MAP3K9: variants seen among roughly 807,000 people sequenced by gnomAD.
MAP3K9 encodes mixed lineage kinase 1 (tyr and ser/thr specificity).
MAP3K9 carries 46 observed loss-of-function variants against 95.8 expected under a neutral mutation model. The observed-to-expected ratio is 0.48, with a 90% CI of 0.38 to 0.61. The LOEUF (loss-of-function observed/expected upper bound fraction) is 0.61. MAP3K9 is among the 20% of genes least tolerant of loss of function. The probability of loss-of-function intolerance (pLI) is 0.00; values close to 1 mark genes in which losing one functional copy is unlikely to be tolerated. For missense variants in MAP3K9, 1,296 were observed against 1,474.3 expected (o/e 0.88, Z 1.98); for synonymous variants, 533 against 593.8 (o/e 0.90, Z 1.49).
At chr14:70,746,604 G>A (rs753533810) in intron 5 of MAP3K9, among the ~76,000 whole-genome samples, 1 of 152,176 alleles carries the variant, frequency 6.6e-6, no homozygotes, top group African/African-American at 2.4e-5. Context: ...TTAACTGTGT[G>A]GTCTTGGACA....
At chr14:70,739,768 T>C (rs1346627664) in intron 7 of MAP3K9, 12 of 986,764 alleles carry the variant, frequency 1.2e-5, no homozygotes, top group Admixed American at 2.8e-5. Flanking sequence ...AGTTTCTAAA[T>C]TGCTTTGCAA....
chr14:70,787,494 C>T (rs545836862), intron 2 of MAP3K9, among the ~76,000 whole-genome samples: 18 of 135,996 alleles, frequency 1.3e-4, no homozygotes, highest in South Asian at 7.7e-4. Flanking sequence ...GGCAACAGTA[C>T]AAGACTCTGT....
rs538270202 is a variant in MAP3K9 at position 70,796,374 on chromosome 14, C to T, written c.820+4293G>A. On this transcript the variant is annotated intron_variant, in intron 2 of 11. Coordinates refer to ENST00000554752, the MANE Select transcript of MAP3K9 (RefSeq NM_001284230.2). Reference sequence around the variant, plus strand: ...AGTTAAGCCAGGGGTCTGAGCCACACGTCCCAGGGCCTGGCTAAACTTGTT... The same window carrying T: ...AGTTAAGCCAGGGGTCTGAGCCACATGTCCCAGGGCCTGGCTAAACTTGTT... Among the ~76,000 whole-genome samples the T allele has an allele frequency of 1.2e-4, 18 of 152,296 alleles. No individual in the cohort carries two copies. In the South Asian group the frequency reaches 3.1e-3, roughly 26 times the overall value.
At chr14:70,808,065 C>T (rs927252236) in intron 1 of MAP3K9, among the ~76,000 whole-genome samples, 2 of 152,344 alleles carry the variant, frequency 1.3e-5, no homozygotes, top group South Asian at 4.1e-4. Context: ...ATCCTGATCT[C>T]CCATGGGGGA....
At chr14:70,795,156 G>C (rs1458498019) in intron 2 of MAP3K9, among the ~76,000 whole-genome samples, 1 of 151,312 alleles carries the variant, frequency 6.6e-6, no homozygotes, top group Non-Finnish European at 1.5e-5. Flanking sequence ...ACCACGTTCG[G>C]CTATTTTTTT....
At chr14:70,743,115 T>C (rs1285218188) in intron 5 of MAP3K9, among the ~76,000 whole-genome samples, 3 of 151,778 alleles carry the variant, frequency 2.0e-5, no homozygotes, top group Non-Finnish European at 4.4e-5. Flanking sequence ...GCCACCGGAG[T>C]AGCTGAGATT....
At position 70,730,753 on chromosome 14, in the gene MAP3K9, G is replaced by GAGTCCTGC. The variant is rs1295779475; in HGVS notation, c.2934_2941dup (p.Ser981CysfsTer66). ...CAGAGTCTTGGGTCTCTCCAAGGTA[G>GAGTCCTGC]AGTCCTGCTGAGTGTTCCAGCGCCT... On this transcript the variant is annotated frameshift_variant, in exon 12 of 12. Transcript: ENST00000554752. LOFTEE classifies it high-confidence loss of function. 4.3e-6 allele frequency: 7 copies of GAGTCCTGC among 1,613,880 alleles called. No individual in the cohort carries two copies. Among genetic ancestry groups the GAGTCCTGC allele is most frequent in the Non-Finnish European group, 5.9e-6 (7 of 1,180,012 alleles).
intron 2 of MAP3K9, among the ~76,000 whole-genome samples, chr14:70,783,708 G>A (rs750761151): frequency 2.0e-5 from 3 of 152,168 alleles, no homozygotes; most frequent in Admixed American, 6.5e-5. Flanking sequence ...CATGCTCAGC[G>A]CTCCTCCAGG....
intron 5 of MAP3K9, 46 bp from the exon 6 acceptor site, chr14:70,742,637 T>C: frequency 6.3e-7 from 1 of 1,593,564 alleles, no homozygotes; most frequent in Non-Finnish European, 8.6e-7. Flanking sequence ...GGGTGCTCAG[T>C]GCAGAGGGGC....
At chr14:70,732,512 G>C in intron 11 of MAP3K9, 27 bp downstream of exon 11, 1 of 1,516,882 alleles carries the variant, frequency 6.6e-7, no homozygotes, top group South Asian at 1.3e-5. Flanking sequence ...ACAAAGAAAG[G>C]AAAGAGAAAA....
intron 2 of MAP3K9, among the ~76,000 whole-genome samples, chr14:70,767,071 C>T (rs1006481438): frequency 6.6e-6 from 1 of 152,110 alleles, no homozygotes; most frequent in East Asian, 1.9e-4. Flanking sequence ...GAACCAAGCA[C>T]AGGACCAGGC....
intron 2 of MAP3K9, among the ~76,000 whole-genome samples, chr14:70,778,276 A>AT (rs71105734): frequency 0.038 from 4,609 of 122,804 alleles, 126 homozygotes; most frequent in Middle Eastern, 0.055. Context: ...ACGCCCAGCT[A>AT]TTTTTTTTTT....
chr14:70,733,580 G>T (rs1488177198), intron 10 of MAP3K9, among the ~76,000 whole-genome samples: 1 of 152,188 alleles, frequency 6.6e-6, no homozygotes, highest in Non-Finnish European at 1.5e-5. Flanking sequence ...CAGAATAAAA[G>T]ATCCGCTAAT....
At chr14:70,743,715 G>A (rs1312561986) in intron 5 of MAP3K9, among the ~76,000 whole-genome samples, 1 of 152,212 alleles carries the variant, frequency 6.6e-6, no homozygotes, top group Non-Finnish European at 1.5e-5. Context: ...AAAGATGCTG[G>A]AGAGGATGTG....
Position 70,808,912 on chromosome 14 carries a change from T to G in MAP3K9, c.260A>C (p.Gln87Pro). The G allele has an allele frequency of 3.1e-6, 5 of 1,593,074 alleles. No homozygotes were observed. Among genetic ancestry groups the G allele is most frequent in the Non-Finnish European group, 4.3e-6 (5 of 1,173,960 alleles). Residue 87 changes from glutamine (Q) to proline (P), a missense_variant, in exon 1 of 12, where the codon CAG (glutamine) becomes CCG (proline). Coordinates refer to ENST00000554752, the MANE Select transcript of MAP3K9 (RefSeq NM_001284230.2). ...DVVEVLSKDS[Q>P]VSGDEGWWTG... Reference sequence around the variant, plus strand: ...CCACCAGCCCTCGTCGCCGGACACCTGCGAGTCCTTGGACAGCACCTCCAC... The same window carrying G: ...CCACCAGCCCTCGTCGCCGGACACCGGCGAGTCCTTGGACAGCACCTCCAC...
intron 9 of MAP3K9, 128 bp from the exon 10 acceptor site, chr14:70,734,626 C>T (rs1315387077): frequency 6.3e-6 from 4 of 631,078 alleles, no homozygotes; most frequent in South Asian, 1.9e-5. Flanking sequence ...GGAGTACATA[C>T]AGGCAATGAC....
intron 8 of MAP3K9, 36 bp downstream of exon 8, chr14:70,738,209 C>A: frequency 6.3e-7 from 1 of 1,577,962 alleles, no homozygotes; most frequent in Non-Finnish European, 8.6e-7. Flanking sequence ...CATCCATCTT[C>A]AAGAGAGAAA....
rs1471446976 is a variant in MAP3K9 at position 70,733,347 on chromosome 14, G to A, written c.2027-5C>T. Reference sequence around the variant, plus strand: ...GGCCTTCACTGTCCTCATCCTCTGTGAAGATGACAAGAGTGGAAGAGAAAC... The same window carrying A: ...GGCCTTCACTGTCCTCATCCTCTGTAAAGATGACAAGAGTGGAAGAGAAAC... On this transcript the variant is annotated splice_region_variant and splice_polypyrimidine_tract_variant and intron_variant, in intron 10 of 11. Coordinates refer to ENST00000554752, the MANE Select transcript of MAP3K9 (RefSeq NM_001284230.2). 2 of 1,222,544 alleles carry A rather than the reference G, an allele frequency of 1.6e-6. No individual in the cohort carries two copies. The highest frequency in any genetic ancestry group is 2.3e-6 in the Non-Finnish European group (2 of 861,588). 75.7% of individuals were successfully genotyped at this position (1,222,544 alleles called of 1,614,324 possible).
intron 2 of MAP3K9, among the ~76,000 whole-genome samples, chr14:70,784,400 G>A (rs2054721860): frequency 6.6e-6 from 1 of 152,124 alleles, no homozygotes; most frequent in Non-Finnish European, 1.5e-5. Flanking sequence ...CCCAACTTCT[G>A]GACAGCTGTA....
Sources: gnomAD v4.1 joint callset for allele counts (sites outside exome capture counted in the v4.1 genomes callset) on GRCh38, gnomAD v4.1.1 for gene constraint, MANE v1.5 for transcripts, NCBI Gene and HGNC (gene_info 2026-07-23, HGNC 2026-07-21) for gene names.